Variants in GLYATL3 observed in about 807,000 individuals in gnomAD.
The protein encoded by GLYATL3 is glycine-N-acyltransferase like 3.
In GLYATL3, 31 loss-of-function variants were observed where a neutral mutation model predicts 28.5. The observed-to-expected ratio is 1.09, with a 90% CI of 0.82 to 1.47. GLYATL3 has a LOEUF of 1.47. Ranked by LOEUF, GLYATL3 falls within the 40% of genes most tolerant of loss-of-function variation. The pLI, the probability that GLYATL3 is intolerant of heterozygous loss-of-function variation, is 0.00. For missense variants in GLYATL3, 369 were observed against 351.5 expected (o/e 1.05, Z -0.40); for synonymous variants, 141 against 140.2 (o/e 1.01, Z -0.04).
intron 1 of GLYATL3, among the ~76,000 whole-genome samples, chr6:49,506,289 G>A (rs1227567356): frequency 6.6e-6 from 1 of 152,156 alleles, no homozygotes; most frequent in Non-Finnish European, 1.5e-5. Context: ...CATCTTTAGT[G>A]GGGGCAGCAA....
intron 1 of GLYATL3, among the ~76,000 whole-genome samples, chr6:49,502,285 G>T (rs1030848021): frequency 3.3e-5 from 5 of 152,122 alleles, no homozygotes; most frequent in Non-Finnish European, 1.5e-5. Flanking sequence ...TCCTCCCAAG[G>T]ATTTTACCCA....
At chr6:49,518,186 T>TG (rs977591907) in intron 4 of GLYATL3, among the ~76,000 whole-genome samples, 1 of 151,970 alleles carries the variant, frequency 6.6e-6, no homozygotes, top group Admixed American at 6.6e-5. Flanking sequence ...AGGGCCCTTT[T>TG]TTGTTGTTGT....
chr6:49,514,477 C>T (rs1008831277), intron 2 of GLYATL3, among the ~76,000 whole-genome samples: 1 of 152,190 alleles, frequency 6.6e-6, no homozygotes, highest in Non-Finnish European at 1.5e-5. Flanking sequence ...TGTCCAGCTT[C>T]TACAAGCATA....
rs375964431 is a variant in GLYATL3 at position 49,521,743 on chromosome 6, G to A, written c.412G>A (p.Val138Ile). ...CTTCAAGGCTGTTCATTTTTCTCCT[G>A]TTTCATCTCTGCCAGATACCAGTTT... ...TSFKAVHFSP[V>I]SSLPDTSFLK... The change falls in exon 5 of 6, where the codon GTT becomes ATT. Residue 138 changes from valine (V) to isoleucine (I), a missense_variant. Val to Ile is a conservative substitution (Grantham distance 29, BLOSUM62 3). Transcript: ENST00000371197. 4.5e-6 allele frequency: 7 copies of A among 1,551,288 alleles called. No individual in the cohort carries two copies. Among genetic ancestry groups the A allele is most frequent in the Non-Finnish European group, 6.1e-6 (7 of 1,146,856 alleles).
chr6:49,512,343 TTACATAAGTATACA>T (rs1359880278), intron 2 of GLYATL3, among the ~76,000 whole-genome samples: 1 of 151,048 alleles, frequency 6.6e-6, no homozygotes, highest in Non-Finnish European at 1.5e-5. Flanking sequence ...TGCAGATTTG[TTACATAAGTATACA>T]TGTGCCATGG....
rs183127946 is a variant in GLYATL3, at chr6:49,526,391, C to T, written c.441-97C>T. 1,815 of 1,048,234 alleles carry T rather than the reference C, an allele frequency of 1.7e-3. 1 individual carries two copies. Among genetic ancestry groups the T allele is most frequent in the Non-Finnish European group, 2.3e-3 (1,627 of 717,762 alleles). 64.9% of individuals were successfully genotyped at this position (1,048,234 alleles called of 1,614,324 possible). ...TCACGCCACTGCACTCCAGCCTGGG[C>T]GACAGAGCAAGACTGTGTCTCGAAA... On this transcript the variant is annotated intron_variant, in intron 5 of 5. Coordinates refer to ENST00000371197, the MANE Select transcript of GLYATL3 (RefSeq NM_001010904.2).
At position 49,517,635 on chromosome 6, in the gene GLYATL3, C is replaced by A. The variant is rs933972627; in HGVS notation, c.313+79C>A. On this transcript the variant is annotated intron_variant, in intron 4 of 5. Coordinates refer to ENST00000371197, the MANE Select transcript of GLYATL3 (RefSeq NM_001010904.2). ...TATATCCAGATAGTTATAGATATTTCATATATATGAAAATATATAGATTAT... is the reference window on the plus strand; with the variant it reads ...TATATCCAGATAGTTATAGATATTTAATATATATGAAAATATATAGATTAT... 33 of 1,006,724 alleles carry A rather than the reference C, an allele frequency of 3.3e-5. No homozygotes were observed. The African/African-American group carries it at 4.1e-4, about 13-fold the overall frequency. The allele number at this position is 1,006,724 out of a possible 1,614,324, so 62.4% of individuals were successfully genotyped here. A position where few individuals can be genotyped will look rare whatever the true frequency, so the allele number is the denominator to read the frequency against.
At chr6:49,517,349 G>C (rs1405136176) in intron 3 of GLYATL3, 81 bp from the exon 4 acceptor site, 5 of 1,251,564 alleles carry the variant, frequency 4.0e-6, no homozygotes, top group Non-Finnish European at 2.1e-6. Context: ...GACATGTCCA[G>C]CTAACGGTAT....
chr6:49,517,607 G>T (rs1351760359), intron 4 of GLYATL3, 51 bp downstream of exon 4: 9 of 1,371,304 alleles, frequency 6.6e-6, no homozygotes, highest in Non-Finnish European at 8.9e-6. Context: ...TTCCTCCTTA[G>T]CATATATCCA....
At chr6:49,519,969 A>G (rs1581871982) in intron 4 of GLYATL3, among the ~76,000 whole-genome samples, 1 of 152,188 alleles carries the variant, frequency 6.6e-6, no homozygotes, top group African/African-American at 2.4e-5. Context: ...GCTTATTGGT[A>G]ACTAGTCTAA....
intron 1 of GLYATL3, among the ~76,000 whole-genome samples, chr6:49,508,106 C>A (rs777913512): frequency 7.2e-5 from 11 of 151,962 alleles, no homozygotes; most frequent in Non-Finnish European, 1.0e-4. Context: ...ACCATCCTGG[C>A]TAACATGGTG....
At chr6:49,523,889 C>T (rs560914511) in intron 5 of GLYATL3, among the ~76,000 whole-genome samples, 1 of 152,036 alleles carries the variant, frequency 6.6e-6, no homozygotes, top group African/African-American at 2.4e-5. Flanking sequence ...ATCCCATAAT[C>T]TGTTTACTAT....
chr6:49,509,179 C>T (rs1473422631), intron 1 of GLYATL3, among the ~76,000 whole-genome samples: 1 of 152,044 alleles, frequency 6.6e-6, no homozygotes, highest in African/African-American at 2.4e-5. Flanking sequence ...CTCTCACCTG[C>T]TGCAAGTACA....
chr6:49,525,045 T>G (rs1472378819), intron 5 of GLYATL3, among the ~76,000 whole-genome samples: 2 of 151,182 alleles, frequency 1.3e-5, no homozygotes, highest in Non-Finnish European at 2.9e-5. Flanking sequence ...GAGATTTTAT[T>G]TCTTTTTTGG....
chr6:49,520,177 G>C (rs1243401572), intron 4 of GLYATL3, among the ~76,000 whole-genome samples: 1 of 152,144 alleles, frequency 6.6e-6, no homozygotes, highest in Non-Finnish European at 1.5e-5. Context: ...ATCCAAGACT[G>C]TGAAAACTGC....
intron 4 of GLYATL3, among the ~76,000 whole-genome samples, chr6:49,520,310 G>C (rs1769291834): frequency 6.6e-6 from 1 of 152,122 alleles, no homozygotes; most frequent in Admixed American, 6.5e-5. Flanking sequence ...GTGTGTTTAA[G>C]AACACACACT....
intron 1 of GLYATL3, among the ~76,000 whole-genome samples, chr6:49,504,379 T>C (rs1768972186): frequency 6.6e-6 from 1 of 152,048 alleles, no homozygotes; most frequent in Admixed American, 6.6e-5. Flanking sequence ...AGGAGATTGA[T>C]ATTCACCTGG....
At chr6:49,508,679 T>C (rs183325782) in intron 1 of GLYATL3, among the ~76,000 whole-genome samples, 1 of 152,344 alleles carries the variant, frequency 6.6e-6, no homozygotes, top group Non-Finnish European at 1.5e-5. Flanking sequence ...GCATGTCCCT[T>C]CATAGGCTCT....
At chr6:49,500,201 G>T (rs561531941) in intron 1 of GLYATL3, among the ~76,000 whole-genome samples, 159 bp downstream of exon 1, 1 of 151,994 alleles carries the variant, frequency 6.6e-6, no homozygotes, top group African/African-American at 2.4e-5. Flanking sequence ...GTTTCTTGGC[G>T]TGTTTTTGTT....
Sources: allele counts gnomAD v4.1 joint callset (sites outside exome capture counted in the v4.1 genomes callset), GRCh38; gene constraint gnomAD v4.1.1; transcripts MANE v1.5; gene names NCBI Gene and HGNC (gene_info 2026-07-23, HGNC 2026-07-21).